The following TOGARAM2 variants were observed in gnomAD, a reference collection of about 807,000 sequenced individuals.
The protein encoded by TOGARAM2 is TOG array regulator of axonemal microtubules 2.
Under a neutral mutation model 93.3 loss-of-function variants are expected in TOGARAM2, and 85 were observed. That is an observed-to-expected ratio of 0.91 (90% CI 0.76 to 1.09). TOGARAM2 has a LOEUF of 1.09. TOGARAM2 is among the 50% of genes least tolerant of loss of function. TOGARAM2 has a pLI of 0.00. For synonymous variants in TOGARAM2, 593 were observed against 552.8 expected (o/e 1.07, Z -1.02); for missense variants, 1,277 against 1,334.5 (o/e 0.96, Z 0.67).
In TOGARAM2 at chr2:28,999,339, G is replaced by A; in HGVS notation, c.298G>A (p.Gly100Arg). Residue 100 changes from glycine to arginine, a missense_variant, in exon 4 of 20, where the codon GGG (glycine) becomes AGG (arginine). Gly to Arg is a moderately radical substitution (Grantham distance 125, BLOSUM62 -2). Transcript: ENST00000379558. ...HPRNLRALSL[G>R]DQPLVLLPSP... Reference sequence around the variant, plus strand: ...CAGGAACCTCAGGGCCTTGTCTTTGGGGGACCAGCCCCTGGTGCTCCTCCC... The same window carrying A: ...CAGGAACCTCAGGGCCTTGTCTTTGAGGGACCAGCCCCTGGTGCTCCTCCC... The A allele has an allele frequency of 1.2e-6, 2 of 1,613,686 alleles. No individual in the cohort carries two copies. The highest frequency in any genetic ancestry group is 1.7e-6 in the Non-Finnish European group (2 of 1,179,772).
At chr2:28,978,336 C>T (rs1672067128), upstream of TOGARAM2, among the ~76,000 whole-genome samples, 1 of 151,586 alleles carries the variant, frequency 6.6e-6, no homozygotes, top group African/African-American at 2.4e-5. Flanking sequence ...GGAGAAGACC[C>T]CTCAGTGAAG....
At chr2:29,006,057 G>GCA (rs1262215854) in intron 6 of TOGARAM2, among the ~76,000 whole-genome samples, 1 of 50,504 alleles carries the variant, frequency 2.0e-5, no homozygotes, top group East Asian at 4.5e-4. Flanking sequence ...TGGAGTGTGT[G>GCA]TGTATGTGTA....
At chr2:28,997,358 T>C (rs989654825) in intron 2 of TOGARAM2, among the ~76,000 whole-genome samples, 5 of 152,360 alleles carry the variant, frequency 3.3e-5, no homozygotes, top group Admixed American at 3.3e-4. Flanking sequence ...TCCTGCTCCC[T>C]GTATGCTCTC....
At chr2:29,004,290 A>C (rs1044482369) in intron 6 of TOGARAM2, among the ~76,000 whole-genome samples, 2 of 152,240 alleles carry the variant, frequency 1.3e-5, no homozygotes, top group African/African-American at 4.8e-5. Context: ...GCTATGAATA[A>C]AACACTATTT....
intron 1 of TOGARAM2, among the ~76,000 whole-genome samples, chr2:28,988,838 C>G (rs935561574): frequency 6.6e-6 from 1 of 152,154 alleles, no homozygotes; most frequent in Non-Finnish European, 1.5e-5. Flanking sequence ...CACTAAGCTC[C>G]CGATGATTCC....
At position 29,036,300 on chromosome 2, in the gene TOGARAM2, A is replaced by T. The variant is rs370336651; in HGVS notation, c.2419-241A>T. Among the ~76,000 whole-genome samples the T allele has an allele frequency of 3.3e-5, 5 of 152,308 alleles. No individual in the cohort carries two copies. In the East Asian group the frequency reaches 9.6e-4, roughly 29 times the overall value. The stretch of plus-strand genomic sequence containing the variant: ...AGTAAAAATGATTGCACAGCAACTA[A>T]CAAGACGCCCTGGACACTTGGCATG... On this transcript the variant is annotated intron_variant, in intron 17 of 19. Coordinates refer to ENST00000379558, the MANE Select transcript of TOGARAM2 (RefSeq NM_199280.4).
Position 29,045,345 on chromosome 2 carries a change from C to T in TOGARAM2, c.2657C>T (p.Ala886Val), listed in dbSNP as rs751001736. 2.1e-5 allele frequency: 34 copies of T among 1,613,478 alleles called. No individual in the cohort carries two copies. Among genetic ancestry groups the T allele is most frequent in the South Asian group, 7.7e-5 (7 of 91,070 alleles). Residue 886 changes from alanine (A) to valine (V), a missense_variant, in exon 19 of 20, where the codon GCG becomes GTG. Coordinates refer to ENST00000379558, the MANE Select transcript of TOGARAM2 (RefSeq NM_199280.4). Reference sequence around the variant, plus strand: ...TCAGACAACCTTTGCCTTCTACCAGCGCTTGCTGGGCGAGTGCGTTTCCTG... The same window carrying T: ...TCAGACAACCTTTGCCTTCTACCAGTGCTTGCTGGGCGAGTGCGTTTCCTG... ...ESLDNLCLLP[A>V]LAGRVRFLSG...
At chr2:29,028,193 G>A (rs1665529401) in intron 14 of TOGARAM2, among the ~76,000 whole-genome samples, 1 of 144,954 alleles carries the variant, frequency 6.9e-6, no homozygotes, top group Admixed American at 6.8e-5. Flanking sequence ...CTCCATCCTC[G>A]CCCCAACTGG....
chr2:29,017,177 T>C lies in TOGARAM2; in HGVS notation c.1068T>C (p.Ser356=), dbSNP rs753751336. ...GTKIQVTISK[S]AREKMQLKQM... The stretch of plus-strand genomic sequence containing the variant: ...AGATCCAAGTCACCATCTCCAAGTC[T>C]GCCCGGGAGAAGATGCAGCTGAAGC... The change falls in exon 9 of 20, where the codon TCT becomes TCC. Residue 356 remains serine (S), a synonymous_variant. Transcript: ENST00000379558. 2.8e-5 allele frequency: 45 copies of C among 1,613,706 alleles called. No individual in the cohort carries two copies. The highest frequency in any genetic ancestry group is 4.0e-5 in the African/African-American group (3 of 74,916).
rs561716201 is a variant in TOGARAM2 at position 28,994,298 on chromosome 2, GC to G, written c.-110-423del. Among the ~76,000 whole-genome samples, 891 of 152,270 alleles carry G rather than the reference GC, an allele frequency of 5.9e-3. 12 individuals carry two copies. Among genetic ancestry groups the G allele is most frequent in the African/African-American group, 0.021 (853 of 41,546 alleles). On this transcript the variant is annotated intron_variant, in intron 1 of 19. Transcript: ENST00000379558. ...AGACTGGAGAACTGGTGTCCGAGAG[GC>G]CCCGCCAACACCTGTGTGATCAGTG... is the stretch of plus-strand genomic sequence containing the variant.
At chr2:28,973,167 AT>A (rs1347871351) in intron 1 of TOGARAM2, among the ~76,000 whole-genome samples, 1 of 152,138 alleles carries the variant, frequency 6.6e-6, no homozygotes, top group East Asian at 1.9e-4. Flanking sequence ...GGAGAAGCAG[AT>A]TTCAACACAG....
At chr2:29,005,904 CGTGT>C (rs957286653) in intron 6 of TOGARAM2, among the ~76,000 whole-genome samples, 27 of 134,582 alleles carry the variant, frequency 2.0e-4, no homozygotes, top group Admixed American at 5.2e-4. Context: ...TGTGTGAGTG[CGTGT>C]GTGTAAGTGC....
At chr2:29,024,469 A>G in intron 13 of TOGARAM2, 95 bp downstream of exon 13, 1 of 382,922 alleles carries the variant, frequency 2.6e-6, no homozygotes, top group Non-Finnish European at 5.4e-6. Flanking sequence ...GGAAGGGTGC[A>G]GGGAGGGAGG....
chr2:29,028,993 T>C (rs542811007), intron 14 of TOGARAM2, among the ~76,000 whole-genome samples: 17 of 152,276 alleles, frequency 1.1e-4, no homozygotes, highest in African/African-American at 4.1e-4. Flanking sequence ...AAGGGAACAC[T>C]TCTACACTGC....
chr2:29,017,658 A>T, intron 9 of TOGARAM2, 134 bp from the exon 10 acceptor site: 2 of 832,856 alleles, frequency 2.4e-6, no homozygotes, highest in East Asian at 3.0e-5. Flanking sequence ...CCATCCTCCT[A>T]CCTCGGACTC....
At chr2:29,038,228 G>A (rs1666233504) in intron 18 of TOGARAM2, among the ~76,000 whole-genome samples, 1 of 152,160 alleles carries the variant, frequency 6.6e-6, no homozygotes, top group African/African-American at 2.4e-5. Flanking sequence ...GTAGCTACTA[G>A]GAAGATGCCT....
chr2:28,980,251 G>T (rs917685351), upstream of TOGARAM2, among the ~76,000 whole-genome samples: 31 of 152,184 alleles, frequency 2.0e-4, no homozygotes, highest in African/African-American at 7.5e-4. Flanking sequence ...CCTGGATCTT[G>T]GTAAATGACA....
chr2:28,968,623 A>G (rs1671898894), intron 1 of TOGARAM2, among the ~76,000 whole-genome samples: 1 of 152,110 alleles, frequency 6.6e-6, no homozygotes, highest in African/African-American at 2.4e-5. Flanking sequence ...CCTGGGCAAC[A>G]TGGCAAAACT....
chr2:28,993,670 A>G (rs1672849883), intron 1 of TOGARAM2, among the ~76,000 whole-genome samples: 1 of 152,188 alleles, frequency 6.6e-6, no homozygotes, highest in Non-Finnish European at 1.5e-5. Context: ...CAGTGAGACC[A>G]GGCTGGGGCC....
Sources: allele counts gnomAD v4.1 joint callset (sites outside exome capture counted in the v4.1 genomes callset), GRCh38; gene constraint gnomAD v4.1.1; transcripts MANE v1.5; gene names NCBI Gene and HGNC (gene_info 2026-07-23, HGNC 2026-07-21).